SGIP1: variants seen among roughly 807,000 people sequenced by gnomAD.
The protein encoded by SGIP1 is SH3-containing GRB2-like protein 3-interacting protein 1.
In SGIP1, 38 loss-of-function variants were observed where a neutral mutation model predicts 107.5. The ratio of observed to expected loss-of-function variants is 0.35; its 90% CI spans 0.27 to 0.46. SGIP1 has a LOEUF of 0.46. Ranked by LOEUF, SGIP1 falls within the 20% of genes least tolerant of loss-of-function variation. The pLI, the probability that SGIP1 is intolerant of heterozygous loss-of-function variation, is 1.00. For missense variants in SGIP1, 929 were observed against 1,019.5 expected (o/e 0.91, Z 1.21); for synonymous variants, 365 against 366.1 (o/e 1.00, Z 0.03).
intron 18 of SGIP1, among the ~76,000 whole-genome samples, chr1:66,701,262 T>A (rs1557680670): frequency 6.6e-6 from 1 of 152,204 alleles, no homozygotes; most frequent in South Asian, 2.1e-4. Context: ...GAGCAATGGC[T>A]ATGCTAAATT....
intron 5 of SGIP1, among the ~76,000 whole-genome samples, chr1:66,642,503 A>G (rs1571128499): frequency 6.6e-6 from 1 of 152,288 alleles, no homozygotes; most frequent in Non-Finnish European, 1.5e-5. Context: ...AATAATCTAC[A>G]TTTCTTATCA....
At chr1:66,551,524 T>C (rs1173864505) in intron 1 of SGIP1, among the ~76,000 whole-genome samples, 2 of 152,184 alleles carry the variant, frequency 1.3e-5, no homozygotes, top group Non-Finnish European at 2.9e-5. Flanking sequence ...AATACTTTCA[T>C]TGTAGTTAAG....
At chr1:66,693,149 G>T (rs1482571805) in intron 17 of SGIP1, among the ~76,000 whole-genome samples, 2 of 151,934 alleles carry the variant, frequency 1.3e-5, no homozygotes, top group Non-Finnish European at 2.9e-5. Flanking sequence ...GTGGTGTGCG[G>T]TGGTAATCTG....
chr1:66,545,680 A>G (rs985632120), intron 1 of SGIP1, among the ~76,000 whole-genome samples: 3 of 140,020 alleles, frequency 2.1e-5, no homozygotes, highest in African/African-American at 8.0e-5. Context: ...ATACATACAG[A>G]GAGAAAGAGA....
At chr1:66,542,843 C>T (rs1030298532) in intron 1 of SGIP1, among the ~76,000 whole-genome samples, 1 of 152,124 alleles carries the variant, frequency 6.6e-6, no homozygotes, top group African/African-American at 2.4e-5. Context: ...CTCAAGGTGA[C>T]CTCCTTACTA....
In SGIP1 at chr1:66,689,231, T is replaced by C. The variant is rs1557637445; in HGVS notation, c.1399T>C (p.Ser467Pro). Residue 467 changes from serine (S) to proline (P), a missense_variant, in exon 16 of 25, where the codon TCC becomes CCC. Physicochemically the swap from Ser to Pro is moderately conservative, Grantham distance 74 (BLOSUM62 -1). Transcript: ENST00000371037. ...TPPPPPPRPP[S>P]RPKLPPGKPG... ...ACCTCCACCTCCTCCCCGGCCTCCA[T>C]CCCGGCCAAAGCTACCTCCAGGAAA... 1 of 1,613,716 alleles carries C rather than the reference T, an allele frequency of 6.2e-7. No individual in the cohort carries two copies. Among genetic ancestry groups the C allele is most frequent in the Non-Finnish European group, 8.5e-7 (1 of 1,179,820 alleles).
At chr1:66,634,313 A>G (rs1301509767) in intron 3 of SGIP1, 2 of 643,980 alleles carry the variant, frequency 3.1e-6, no homozygotes, top group Admixed American at 5.4e-5. Flanking sequence ...TTGCTTCTCT[A>G]CCTCTGCCAC....
At chr1:66,536,672 AT>A (rs1255994112) in intron 1 of SGIP1, among the ~76,000 whole-genome samples, 1 of 152,160 alleles carries the variant, frequency 6.6e-6, no homozygotes, top group East Asian at 1.9e-4. Context: ...GGCACCCCAA[AT>A]TTGTCATGGC....
chr1:66,737,416 C>T (rs75440574), intron 21 of SGIP1, among the ~76,000 whole-genome samples: 2 of 151,962 alleles, frequency 1.3e-5, no homozygotes, highest in East Asian at 1.9e-4. Flanking sequence ...GCAAGGGCTG[C>T]GCACGGTGGC....
At chr1:66,621,017 A>G (rs1270870235) in intron 1 of SGIP1, among the ~76,000 whole-genome samples, 1 of 152,190 alleles carries the variant, frequency 6.6e-6, no homozygotes, top group Non-Finnish European at 1.5e-5. Flanking sequence ...GCCCGCATGG[A>G]TGGAGCTGCT....
At chr1:66,714,829 A>G (rs1400709358) in intron 18 of SGIP1, among the ~76,000 whole-genome samples, 1 of 152,060 alleles carries the variant, frequency 6.6e-6, no homozygotes, top group African/African-American at 2.4e-5. Context: ...TATTTCAGTT[A>G]TTAGAAAAAA....
At chr1:66,584,100 G>C (rs972494557) in intron 1 of SGIP1, among the ~76,000 whole-genome samples, 1 of 151,984 alleles carries the variant, frequency 6.6e-6, no homozygotes, top group Non-Finnish European at 1.5e-5. Flanking sequence ...CCAGAGGCTT[G>C]TCTGATTAAA....
At chr1:66,557,204 C>G (rs2058312943) in intron 1 of SGIP1, among the ~76,000 whole-genome samples, 1 of 152,046 alleles carries the variant, frequency 6.6e-6, no homozygotes. Context: ...GATTCTTGTC[C>G]AATGTCAAGG....
chr1:66,571,947 G>C (rs1422544777), intron 1 of SGIP1, among the ~76,000 whole-genome samples: 1 of 151,892 alleles, frequency 6.6e-6, no homozygotes, highest in Non-Finnish European at 1.5e-5. Flanking sequence ...CAAACATCTT[G>C]GCCAGAATTA....
In SGIP1 at chr1:66,629,990, T is replaced by C. The variant is rs77551225; in HGVS notation, c.75-3080T>C. On this transcript the variant is annotated intron_variant, in intron 2 of 24. Transcript: ENST00000371037. Reference sequence around the variant, plus strand: ...ATGAAGAAACTGAGAAACAAAGGGGTGAAGTAACTTGCCCAAGCTTCTGCA... The same window carrying C: ...ATGAAGAAACTGAGAAACAAAGGGGCGAAGTAACTTGCCCAAGCTTCTGCA... Among the ~76,000 whole-genome samples, 1,121 of 152,178 alleles carry C rather than the reference T, an allele frequency of 7.4e-3. 8 individuals are homozygous for C. Among genetic ancestry groups the C allele is most frequent in the Admixed American group, 0.015 (222 of 15,280 alleles).
At chr1:66,716,193 C>T (rs1253453906) in intron 18 of SGIP1, among the ~76,000 whole-genome samples, 1 of 152,066 alleles carries the variant, frequency 6.6e-6, no homozygotes, top group African/African-American at 2.4e-5. Context: ...ACCAAAGAGC[C>T]CAGACTAGGG....
Position 66,743,056 on chromosome 1 carries a change from G to T in SGIP1, c.2465-17G>T. Reference sequence around the variant, plus strand: ...GAACTACCAGATAACCTGTTGACATGCTGTTTTGTTTTGCAGGAAAATACT... The same window carrying T: ...GAACTACCAGATAACCTGTTGACATTCTGTTTTGTTTTGCAGGAAAATACT... On this transcript the variant is annotated splice_polypyrimidine_tract_variant and intron_variant, in intron 24 of 24. Transcript: ENST00000371037. The T allele has an allele frequency of 1.2e-6, 2 of 1,613,346 alleles. No homozygotes were observed. The highest frequency in any genetic ancestry group is 2.2e-5 in the East Asian group (1 of 44,790).
chr1:66,624,853 A>C (rs1490753703), intron 1 of SGIP1, among the ~76,000 whole-genome samples: 1 of 90,532 alleles, frequency 1.1e-5, no homozygotes, highest in Non-Finnish European at 2.1e-5. Context: ...ACTATGGAAC[A>C]TGTGAGGGAT....
At chr1:66,534,570 A>G (rs2053122937) in intron 1 of SGIP1, among the ~76,000 whole-genome samples, 1 of 152,196 alleles carries the variant, frequency 6.6e-6, no homozygotes, top group Non-Finnish European at 1.5e-5. Flanking sequence ...CTAGCTCAGA[A>G]CCTACAGAGC....
Sources: allele counts gnomAD v4.1 joint callset (sites outside exome capture counted in the v4.1 genomes callset), GRCh38; gene constraint gnomAD v4.1.1; transcripts MANE v1.5; gene names NCBI Gene and HGNC (gene_info 2026-07-23, HGNC 2026-07-21).